The following BRSK2 variants were observed in gnomAD, a reference collection of about 807,000 sequenced individuals.
The protein encoded by BRSK2 is BR serine/threonine kinase 2, also known as serine/threonine-protein kinase BRSK2.
In BRSK2, 19 loss-of-function variants were observed where a neutral mutation model predicts 83.3. That is an observed-to-expected ratio of 0.23 (90% CI 0.16 to 0.33). The LOEUF is 0.33. Among genes scored for constraint, BRSK2 ranks in the 10% least tolerant of loss-of-function variants. The probability of loss-of-function intolerance (pLI) is 1.00; values close to 1 mark genes in which losing one functional copy is unlikely to be tolerated. For synonymous variants in BRSK2, 519 were observed against 435.4 expected (o/e 1.19, Z -2.39); for missense variants, 798 against 1,042.3 (o/e 0.77, Z 3.23).
intron 1 of BRSK2, among the ~76,000 whole-genome samples, chr11:1,408,666 G>A (rs1385068674): frequency 6.6e-6 from 1 of 152,200 alleles, no homozygotes; most frequent in Non-Finnish European, 1.5e-5. Context: ...AACCCTCCCC[G>A]CTGGTCCTTA....
At chr11:1,395,868 C>T (rs80307271) in intron 1 of BRSK2, among the ~76,000 whole-genome samples, 32 of 152,316 alleles carry the variant, frequency 2.1e-4, no homozygotes, top group East Asian at 7.7e-4. Context: ...GCTGCTGCCC[C>T]GCCTGCTCCA....
chr11:1,411,448 G>A (rs762670197), intron 1 of BRSK2: 19 of 1,467,420 alleles, frequency 1.3e-5, no homozygotes, highest in African/African-American at 2.9e-5. Context: ...CGTCCCCGCC[G>A]GCCCTGCATC....
intron 19 of BRSK2, among the ~76,000 whole-genome samples, chr11:1,459,900 T>C (rs1276877382): frequency 6.6e-6 from 1 of 152,030 alleles, no homozygotes; most frequent in African/African-American, 2.4e-5. Context: ...TGGCCAGGGG[T>C]CGGGCTTCAG....
intron 19 of BRSK2, among the ~76,000 whole-genome samples, 178 bp from the exon 20 acceptor site, chr11:1,460,322 C>T (rs758717614): frequency 3.8e-4 from 58 of 152,018 alleles, no homozygotes; most frequent in Non-Finnish European, 7.5e-4. Context: ...TGCCGCCCAC[C>T]GGTCCCCGCT....
Position 1,442,567 on chromosome 11 carries a change from C to T in BRSK2, c.491C>T (p.Ser164Phe), listed in dbSNP as rs754262868. Residue 164 changes from serine (S) to phenylalanine (F), a missense_variant, in exon 5 of 20, where the codon TCC becomes TTC. Around this residue, in one of 6 missense-constraint regions of BRSK2, gnomAD observed 109 missense variants for 259.2 expected, o/e 0.42. Coordinates refer to ENST00000528841, the MANE Select transcript of BRSK2 (RefSeq NM_001256627.2). ...CGCATCGCAGACTTTGGCATGGCGT[C>T]CCTGCAGGTTGGCGACAGCCTGTTG... Reference protein sequence around the residue: ...NIRIADFGMASLQVGDSLLET... With the variant: ...NIRIADFGMAFLQVGDSLLET... The T allele has an allele frequency of 6.2e-7, 1 of 1,613,006 alleles. No individual in the cohort carries two copies. The highest frequency in any genetic ancestry group is 8.5e-7 in the Non-Finnish European group (1 of 1,179,756).
intron 1 of BRSK2, among the ~76,000 whole-genome samples, chr11:1,422,124 C>T (rs1364437362): frequency 1.3e-5 from 2 of 152,090 alleles, no homozygotes; most frequent in African/African-American, 4.8e-5. Flanking sequence ...GGTGAGAGCC[C>T]AGCCCAGCCC....
intron 1 of BRSK2, among the ~76,000 whole-genome samples, chr11:1,392,343 TC>T (rs2134001853): frequency 6.6e-6 from 1 of 152,274 alleles, no homozygotes; most frequent in Admixed American, 6.5e-5. Flanking sequence ...AGAACGCTTC[TC>T]CTTCCAGGGA....
intron 4 of BRSK2, 45 bp downstream of exon 4, chr11:1,440,973 C>T (rs1449543134): frequency 1.3e-6 from 2 of 1,569,302 alleles, no homozygotes; most frequent in Non-Finnish European, 1.7e-6. Context: ...GGGACCCCCA[C>T]ACCCAGTGCG....
Position 1,420,145 on chromosome 11 carries a change from C to T in BRSK2, c.92-15895C>T, listed in dbSNP as rs533303269. On this transcript the variant is annotated intron_variant, in intron 1 of 19. Transcript: ENST00000528841. ...GAGGCTCGGTGTCCGTGCATGCATG[C>T]AAGTGTGCGTGCGTGCATGTGTGCG... 1.2e-4 allele frequency among the ~76,000 whole-genome samples: 18 copies of T among 152,330 alleles called. No individual in the cohort carries two copies. In the East Asian group the frequency reaches 3.5e-3, roughly 29 times the overall value.
intron 13 of BRSK2, 103 bp from the exon 14 acceptor site, chr11:1,450,484 T>TC: frequency 1.6e-6 from 1 of 616,212 alleles, no homozygotes; most frequent in African/African-American, 1.9e-5. Flanking sequence ...CTGGCCTTTG[T>TC]CCCCAGCTGG....
chr11:1,407,031 C>T (rs1846926674), intron 1 of BRSK2, among the ~76,000 whole-genome samples: 1 of 152,140 alleles, frequency 6.6e-6, no homozygotes, highest in Non-Finnish European at 1.5e-5. Context: ...GGATGACAGG[C>T]GGAGGCTCCT....
rs4963030 is a variant in BRSK2, at chr11:1,460,460, C to T, written c.1988-40C>T. 890 of 1,122,470 alleles carry T rather than the reference C, an allele frequency of 7.9e-4. 84 individuals are homozygous for T. The highest frequency in any genetic ancestry group is 5.5e-3 in the South Asian group (199 of 36,394). The allele number at this position is 1,122,470 out of a possible 1,614,324, so 69.5% of individuals were successfully genotyped here. On this transcript the variant is annotated intron_variant, in intron 19 of 19. Transcript: ENST00000528841. Reference sequence around the variant, plus strand: ...TCTCTCCCCCTTTTTTTTCTTTTTTCCTTTTTTTTTTTTTTTTTGTCTCTG... The same window carrying T: ...TCTCTCCCCCTTTTTTTTCTTTTTTTCTTTTTTTTTTTTTTTTTGTCTCTG...
intron 1 of BRSK2, among the ~76,000 whole-genome samples, chr11:1,417,645 G>A (rs1848233617): frequency 1.4e-5 from 2 of 142,548 alleles, no homozygotes; most frequent in South Asian, 4.8e-4. Flanking sequence ...TCTGTTGGCT[G>A]TTTCTTCTCT....
intron 6 of BRSK2, 74 bp from the exon 7 acceptor site, chr11:1,443,257 ACTCC>A (rs1428869834): frequency 6.5e-7 from 1 of 1,527,884 alleles, no homozygotes; most frequent in African/African-American, 1.4e-5. Flanking sequence ...CCCCGGGCCG[ACTCC>A]CTCTGAGCCC....
At chr11:1,402,405 G>A (rs1181756810) in intron 1 of BRSK2, among the ~76,000 whole-genome samples, 3 of 152,230 alleles carry the variant, frequency 2.0e-5, no homozygotes, top group Non-Finnish European at 4.4e-5. Flanking sequence ...ATGGGCAGAG[G>A]AGCTACTGCC....
In BRSK2 at chr11:1,454,603, C is replaced by T. The variant is rs1846241762; in HGVS notation, c.1663C>T (p.Leu555=). 1 of 1,612,908 alleles carries T rather than the reference C, an allele frequency of 6.2e-7. No individual in the cohort carries two copies. The highest frequency in any genetic ancestry group is 8.5e-7 in the Non-Finnish European group (1 of 1,179,904). Residue 555 remains leucine (L), a synonymous_variant, in exon 16 of 20, where the codon CTG becomes TTG. Transcript: ENST00000528841. The surrounding 1 kb of genome is among the most constrained non-coding windows in gnomAD (Gnocchi z 5.2). ...SIKADIVHAF[L]SIPSLSHSVI... ...CAAGGCTGACATCGTGCACGCCTTC[C>T]TGTCGGTGAGGCCACAGGGCGCTGG...
intron 2 of BRSK2, among the ~76,000 whole-genome samples, chr11:1,437,658 T>G (rs1850504320): frequency 6.6e-6 from 1 of 152,192 alleles, no homozygotes; most frequent in Admixed American, 6.5e-5. Flanking sequence ...CACAACAGGA[T>G]GCCTGCCCCC....
intron 5 of BRSK2, 44 bp from the exon 6 acceptor site, chr11:1,443,062 G>A (rs1271891208): frequency 3.9e-6 from 6 of 1,521,202 alleles, no homozygotes; most frequent in Non-Finnish European, 5.3e-6. Flanking sequence ...GGAGGGCCTG[G>A]CAGCGCCCGG....
Position 1,438,806 on chromosome 11 carries a change from C to G in BRSK2, c.272+415C>G, listed in dbSNP as rs117878033. Among the ~76,000 whole-genome samples, 3 of 152,168 alleles carry G rather than the reference C, an allele frequency of 2.0e-5. No homozygotes were observed. The highest frequency in any genetic ancestry group is 6.5e-5 in the Admixed American group (1 of 15,282). ...TCTCTATCCCTGAGGCTCCCTCACACGAGGCACAGCCACCAGGATCCCGCC... is the reference window on the plus strand; with the variant it reads ...TCTCTATCCCTGAGGCTCCCTCACAGGAGGCACAGCCACCAGGATCCCGCC... On this transcript the variant is annotated intron_variant, in intron 3 of 19. Transcript: ENST00000528841. The surrounding 1 kb of genome is among the most constrained non-coding windows in gnomAD (Gnocchi z 6.4).
Sources: gnomAD v4.1 joint callset for allele counts (sites outside exome capture counted in the v4.1 genomes callset) on GRCh38, gnomAD v4.1.1 for gene constraint, gnomAD v4.1.1 regional missense constraint, Gnocchi (gnomAD v3.1) non-coding constraint, MANE v1.5 for transcripts, NCBI Gene and HGNC (gene_info 2026-07-23, HGNC 2026-07-21) for gene names.